The following GRIK2 variants were observed in gnomAD, a reference collection of about 807,000 sequenced individuals.
The protein encoded by GRIK2 is glutamate ionotropic receptor kainate type subunit 2.
A neutral mutation model predicts 100.3 loss-of-function variants in GRIK2; 32 were observed. The ratio of observed to expected loss-of-function variants is 0.32; its 90% confidence interval spans 0.24 to 0.43. The LOEUF (loss-of-function observed/expected upper bound fraction) is 0.43. Among genes scored for constraint, GRIK2 ranks in the 20% least tolerant of loss-of-function variants. The probability of loss-of-function intolerance (pLI) is 1.00; values close to 1 mark genes in which losing one functional copy is unlikely to be tolerated. For missense variants in GRIK2, 843 were observed against 1,114.9 expected (o/e 0.76, Z 3.47); for synonymous variants, 417 against 389.4 (o/e 1.07, Z -0.83).
chr6:101,866,588 T>C (rs1785065581), intron 11 of GRIK2, among the ~76,000 whole-genome samples: 1 of 152,174 alleles, frequency 6.6e-6, no homozygotes, highest in Non-Finnish European at 1.5e-5. Context: ...ACCAATAGTT[T>C]ATAAGAATTT....
intron 1 of GRIK2, among the ~76,000 whole-genome samples, chr6:101,397,682 G>C (rs1334585887): frequency 1.1e-5 from 1 of 92,086 alleles, no homozygotes; most frequent in Non-Finnish European, 1.9e-5. Flanking sequence ...TTGCTGTTTG[G>C]AGGAAAAAAT....
intron 14 of GRIK2, among the ~76,000 whole-genome samples, chr6:102,016,444 T>A (rs1795836963): frequency 6.6e-6 from 1 of 151,442 alleles, no homozygotes; most frequent in Non-Finnish European, 1.5e-5. Context: ...AAAAGAATTT[T>A]AAAAAAAGAA....
At chr6:102,041,864 T>G (rs187511644) in intron 15 of GRIK2, among the ~76,000 whole-genome samples, 188 of 151,818 alleles carry the variant, frequency 1.2e-3, no homozygotes, top group African/African-American at 4.4e-3. Context: ...GTGGTCTCTA[T>G]TTATACATTT....
intron 14 of GRIK2, among the ~76,000 whole-genome samples, chr6:101,975,722 A>G (rs1275222625): frequency 6.6e-6 from 1 of 151,940 alleles, no homozygotes; most frequent in Non-Finnish European, 1.5e-5. Flanking sequence ...GGGCAGGTGG[A>G]GTCAGGTAGT....
At chr6:101,485,693 T>C (rs977763999) in intron 2 of GRIK2, among the ~76,000 whole-genome samples, 1 of 152,152 alleles carries the variant, frequency 6.6e-6, no homozygotes, top group African/African-American at 2.4e-5. Context: ...TATTGAAATA[T>C]ACTTGGATGA....
At chr6:101,703,022 G>T (rs2518303) in intron 7 of GRIK2, among the ~76,000 whole-genome samples, 53,791 of 151,678 alleles carry the variant, frequency 0.35, 11,249 homozygotes, top group African/African-American at 0.57. Context: ...TTGTTTACTA[G>T]TGTATTATTT....
intron 7 of GRIK2, among the ~76,000 whole-genome samples, chr6:101,716,769 A>G (rs1447319496): frequency 2.0e-5 from 3 of 151,806 alleles, no homozygotes; most frequent in Non-Finnish European, 4.4e-5. Context: ...AAGCAAAACA[A>G]AACAAATAAC....
At chr6:101,675,146 C>A (rs1331587410) in intron 4 of GRIK2, among the ~76,000 whole-genome samples, 45 of 151,904 alleles carry the variant, frequency 3.0e-4, no homozygotes, top group Admixed American at 3.0e-3. Flanking sequence ...AACTTTGTAC[C>A]CACTGACCAT....
At chr6:101,908,696 G>A (rs1415091279) in intron 12 of GRIK2, among the ~76,000 whole-genome samples, 4 of 151,138 alleles carry the variant, frequency 2.6e-5, no homozygotes, top group South Asian at 4.2e-4. Flanking sequence ...AATTTGCAAA[G>A]TGTAATATGT....
At chr6:101,394,110 T>G (rs1229267322) in intron 1 of GRIK2, among the ~76,000 whole-genome samples, 1 of 152,122 alleles carries the variant, frequency 6.6e-6, no homozygotes, top group African/African-American at 2.4e-5. Context: ...ATAAAATGAT[T>G]TAAGAAGTGG....
At chr6:101,795,310 G>T (rs1476543423) in intron 7 of GRIK2, among the ~76,000 whole-genome samples, 1 of 152,178 alleles carries the variant, frequency 6.6e-6, no homozygotes, top group East Asian at 1.9e-4. Context: ...TACAGCATCA[G>T]TGGTGTCTGT....
intron 14 of GRIK2, among the ~76,000 whole-genome samples, chr6:101,989,365 G>A (rs539558094): frequency 6.6e-5 from 10 of 151,716 alleles, no homozygotes; most frequent in South Asian, 4.2e-4. Flanking sequence ...CTTACTGTAC[G>A]AAAGGTATTT....
intron 10 of GRIK2, among the ~76,000 whole-genome samples, chr6:101,831,314 T>C (rs1378778245): frequency 6.6e-6 from 1 of 152,090 alleles, no homozygotes; most frequent in Non-Finnish European, 1.5e-5. Flanking sequence ...AAACCAGTCA[T>C]CTCCAGTGTT....
rs1444331187 is a variant in GRIK2 at position 102,064,390 on chromosome 6, T to C, written c.2563-3957T>C. Among the ~76,000 whole-genome samples, 3 of 128,682 alleles carry C rather than the reference T, an allele frequency of 2.3e-5. No homozygotes were observed. The Admixed American group carries it at 2.4e-4, about 10-fold the overall frequency. 84.4% of individuals were successfully genotyped at this position (128,682 alleles called of 152,430 possible). On this transcript the variant is annotated intron_variant, in intron 16 of 16. Coordinates refer to ENST00000369134, the MANE Select transcript of GRIK2 (RefSeq NM_021956.5). The stretch of plus-strand genomic sequence containing the variant: ...TCTTTCTTTCTTTCTTTCTTTCCTT[T>C]CTCTCTCTCTCTCTCCCTCCCTCCT...
intron 14 of GRIK2, among the ~76,000 whole-genome samples, chr6:101,951,682 G>C (rs1057338617): frequency 1.3e-5 from 2 of 152,110 alleles, no homozygotes; most frequent in Non-Finnish European, 2.9e-5. Flanking sequence ...TTCCCATGCT[G>C]TTCTGGTGAT....
At chr6:101,643,270 T>C (rs1781365034) in intron 4 of GRIK2, among the ~76,000 whole-genome samples, 1 of 151,702 alleles carries the variant, frequency 6.6e-6, no homozygotes, top group South Asian at 2.1e-4. Context: ...ACTTTTGCTG[T>C]CATATTCAAT....
intron 2 of GRIK2, among the ~76,000 whole-genome samples, chr6:101,474,728 CTTTTT>C (rs11381283): frequency 6.6e-6 from 1 of 151,052 alleles, no homozygotes; most frequent in African/African-American, 2.4e-5. Context: ...GAGTGGCAGG[CTTTTT>C]TTTTGTTTTT....
intron 14 of GRIK2, among the ~76,000 whole-genome samples, chr6:101,935,555 A>C (rs1218626185): frequency 1.3e-5 from 2 of 151,880 alleles, no homozygotes; most frequent in African/African-American, 4.8e-5. Flanking sequence ...GTGTTTACCT[A>C]ATGGAGACTG....
chr6:101,880,035 C>G (rs1218231242), intron 11 of GRIK2, among the ~76,000 whole-genome samples: 1 of 152,028 alleles, frequency 6.6e-6, no homozygotes, highest in Non-Finnish European at 1.5e-5. Flanking sequence ...GTTGAAACAT[C>G]ATGTTGTCCC....
Sources: gnomAD v4.1 joint callset for allele counts (sites outside exome capture counted in the v4.1 genomes callset) on GRCh38, gnomAD v4.1.1 for gene constraint, MANE v1.5 for transcripts, NCBI Gene and HGNC (gene_info 2026-07-23, HGNC 2026-07-21) for gene names.